ING5: variants seen among roughly 807,000 people sequenced by gnomAD.
ING5 encodes inhibitor of growth protein 5.
Under a neutral mutation model 37.4 loss-of-function variants are expected in ING5, and 17 were observed. That is an observed-to-expected ratio of 0.45 (90% CI 0.31 to 0.68). ING5 has a LOEUF of 0.68. Among genes scored for constraint, ING5 ranks in the 30% least tolerant of loss-of-function variants. The probability of loss-of-function intolerance (pLI) is 0.05; values close to 1 mark genes in which losing one functional copy is unlikely to be tolerated. For synonymous variants in ING5, 123 were observed against 116.6 expected (o/e 1.06, Z -0.36); for missense variants, 233 against 311.9 (o/e 0.75, Z 1.91).
chr2:241,701,991 C>A (rs896366293), upstream of ING5: 1 of 1,118,120 alleles, frequency 8.9e-7, no homozygotes. Flanking sequence ...ATAGTGAGCG[C>A]GCTGGCACCG....
intron 5 of ING5, chr2:241,722,218 G>T: frequency 1.0e-6 from 1 of 985,418 alleles, no homozygotes; most frequent in Non-Finnish European, 1.2e-6. Context: ...GTGGGAGGCT[G>T]GCAGGCTTCT....
At chr2:241,711,891 C>T (rs370715745) in intron 4 of ING5, 87 bp from the exon 5 acceptor site, 19 of 1,182,450 alleles carry the variant, frequency 1.6e-5, no homozygotes, top group Non-Finnish European at 2.0e-5. Context: ...GGAGACAGAG[C>T]GAGACCCCTT....
At chr2:241,718,264 C>T (rs1408696398) in intron 5 of ING5, among the ~76,000 whole-genome samples, 1 of 151,638 alleles carries the variant, frequency 6.6e-6, no homozygotes, top group Non-Finnish European at 1.5e-5. Context: ...CCGCCCAGCT[C>T]AGCCTCTCAC....
chr2:241,714,457 T>G (rs2070205298), intron 5 of ING5, among the ~76,000 whole-genome samples: 1 of 152,220 alleles, frequency 6.6e-6, no homozygotes, highest in South Asian at 2.1e-4. Context: ...TCAAGAAATT[T>G]GTTTCATGTA....
chr2:241,693,611 C>T (rs2069589278), intron 2 of ING5, among the ~76,000 whole-genome samples: 1 of 151,378 alleles, frequency 6.6e-6, no homozygotes. Flanking sequence ...TGTGCTGTCC[C>T]GCCTGTTCAC....
intron 5 of ING5, chr2:241,720,571 C>T: frequency 1.0e-6 from 1 of 986,970 alleles, no homozygotes; most frequent in Non-Finnish European, 1.2e-6. Flanking sequence ...GGCAGTGTCA[C>T]CTGTAGCACC....
chr2:241,699,562 A>G (rs1559296856), upstream of ING5, among the ~76,000 whole-genome samples: 1 of 152,072 alleles, frequency 6.6e-6, no homozygotes, highest in Non-Finnish European at 1.5e-5. Flanking sequence ...TTTGAGTCAC[A>G]GCAGCTGGCT....
chr2:241,719,487 A>T (rs957715354), intron 5 of ING5: 2 of 1,418,616 alleles, frequency 1.4e-6, no homozygotes, highest in African/African-American at 2.8e-5. Flanking sequence ...ACTCAGTGGC[A>T]ACAGCGTTCT....
chr2:241,720,100 G>A, intron 5 of ING5: 1 of 1,239,772 alleles, frequency 8.1e-7, no homozygotes, highest in Non-Finnish European at 1.0e-6. Context: ...GGATGGTGCA[G>A]GTGGGCAGAC....
chr2:241,720,677 G>A, intron 5 of ING5: 1 of 985,584 alleles, frequency 1.0e-6, no homozygotes, highest in Non-Finnish European at 1.2e-6. Context: ...GGGCTCGCTG[G>A]CACCGTCTGG....
At chr2:241,712,868 A>C (rs945501229) in intron 5 of ING5, among the ~76,000 whole-genome samples, 2 of 152,022 alleles carry the variant, frequency 1.3e-5, no homozygotes, top group Non-Finnish European at 2.9e-5. Flanking sequence ...CTCTACAAAA[A>C]ATAGAAAAAA....
intron 2 of ING5, 128 bp downstream of exon 2, chr2:241,704,852 C>T (rs893356716): frequency 8.4e-5 from 62 of 740,994 alleles, no homozygotes; most frequent in Non-Finnish European, 1.2e-4. Context: ...AGCCCTGGGC[C>T]GTGGGTATCA....
upstream of ING5, among the ~76,000 whole-genome samples, chr2:241,698,186 T>C (rs2069658571): frequency 6.6e-6 from 1 of 151,502 alleles, no homozygotes; most frequent in Non-Finnish European, 1.5e-5. Context: ...GGCTCACGCC[T>C]GTAATCCCAG....
At chr2:241,724,124 A>G in intron 7 of ING5, 2 of 1,173,556 alleles carry the variant, frequency 1.7e-6, no homozygotes, top group East Asian at 9.4e-5. Context: ...TGTGGCACTC[A>G]GAGGTCATCG....
At chr2:241,721,733 C>T (rs2070442293) in intron 5 of ING5, 1 of 985,298 alleles carries the variant, frequency 1.0e-6, no homozygotes, top group Admixed American at 6.1e-5. Flanking sequence ...AATGGGAATA[C>T]ACTGTCTATA....
At chr2:241,691,445 A>C (rs1034139381) in intron 2 of ING5, among the ~76,000 whole-genome samples, 62 of 148,768 alleles carry the variant, frequency 4.2e-4, no homozygotes, top group African/African-American at 1.3e-3. Context: ...TCTCAAAAAA[A>C]AAAAACAAAA....
intron 1 of ING5, among the ~76,000 whole-genome samples, chr2:241,704,425 G>A (rs929593521): frequency 6.6e-6 from 1 of 152,076 alleles, no homozygotes; most frequent in East Asian, 1.9e-4. Flanking sequence ...AAAACTAGCC[G>A]GGCATGGTGG....
At chr2:241,720,069 G>A in intron 5 of ING5, 9 of 1,242,396 alleles carry the variant, frequency 7.2e-6, no homozygotes, top group Non-Finnish European at 9.1e-6. Flanking sequence ...CGCCAAGGAG[G>A]CCCCTTCCAG....
chr2:241,716,665 A>C (rs2070281661), intron 5 of ING5, among the ~76,000 whole-genome samples: 1 of 152,062 alleles, frequency 6.6e-6, no homozygotes, highest in Non-Finnish European at 1.5e-5. Flanking sequence ...TTCAGATATT[A>C]CACTATTTGA....
Sources: gnomAD v4.1 joint callset for allele counts (sites outside exome capture counted in the v4.1 genomes callset) on GRCh38, gnomAD v4.1.1 for gene constraint, MANE v1.5 for transcripts, NCBI Gene and HGNC (gene_info 2026-07-23, HGNC 2026-07-21) for gene names.